MAGI3: variants seen among roughly 807,000 people sequenced by gnomAD.
MAGI3 encodes membrane-associated guanylate kinase, WW and PDZ domain-containing protein 3.
MAGI3 carries 43 observed loss-of-function variants against 121.8 expected under a neutral mutation model. The observed-to-expected ratio is 0.35, with a 90% CI of 0.28 to 0.46. The LOEUF is 0.46. Ranked by LOEUF, MAGI3 falls within the 20% of genes least tolerant of loss-of-function variation. The pLI is 1.00. For synonymous variants in MAGI3, 553 were observed against 639.3 expected (o/e 0.86, Z 2.04); for missense variants, 1,547 against 1,797.3 (o/e 0.86, Z 2.52).
intron 1 of MAGI3, among the ~76,000 whole-genome samples, chr1:113,430,492 A>G (rs532727662): frequency 6.6e-6 from 1 of 152,342 alleles, no homozygotes; most frequent in Admixed American, 6.5e-5. Flanking sequence ...TTTTTAGAAT[A>G]TGAAAAGAGG....
At position 113,452,455 on chromosome 1, in the gene MAGI3, T is replaced by TACACACACACACAC. The variant is rs4026203; in HGVS notation, c.316+61127_316+61140dup. ...TTGGATTAACTTATGTGCATAGACA[T>TACACACACACACAC]ACACACACACACACACACACACACA... On this transcript the variant is annotated intron_variant, in intron 1 of 20. Transcript: ENST00000307546. 1.0e-4 allele frequency among the ~76,000 whole-genome samples: 15 copies of TACACACACACACAC among 147,214 alleles called. 1 individual carries two copies. In the South Asian group the frequency reaches 2.6e-3, roughly 26 times the overall value.
Position 113,672,679 on chromosome 1 carries a change from C to G in MAGI3, c.2983C>G (p.His995Asp), listed in dbSNP as rs779533068. The change falls in exon 18 of 21, where the codon CAC becomes GAC. Residue 995 changes from histidine to aspartate, a missense_variant. His to Asp is a moderately conservative substitution (Grantham distance 81). Transcript: ENST00000307546. ...TTCTTACAGACATTCTTGGTCAGAC[C>G]ACAAGCACCTTGCACAGCCTGACAC... The part of the protein sequence containing the change: ...STSYRHSWSD[H>D]KHLAQPDTAV... The G allele has an allele frequency of 6.2e-7, 1 of 1,613,776 alleles. No homozygotes were observed. Among genetic ancestry groups the G allele is most frequent in the Admixed American group, 1.7e-5 (1 of 59,974 alleles).
intron 9 of MAGI3, among the ~76,000 whole-genome samples, chr1:113,626,185 G>A (rs1316235139): frequency 3.3e-5 from 5 of 152,068 alleles, no homozygotes; most frequent in African/African-American, 1.2e-4. Context: ...GGCTGGTCTC[G>A]AATTCTTGAC....
intron 6 of MAGI3, among the ~76,000 whole-genome samples, chr1:113,613,184 A>C (rs1399577604): frequency 6.6e-6 from 1 of 152,176 alleles, no homozygotes; most frequent in East Asian, 1.9e-4. Flanking sequence ...AAAGTGAACT[A>C]AAGTACATCT....
chr1:113,447,854 C>CAAAA (rs141135630), intron 1 of MAGI3, among the ~76,000 whole-genome samples: 19 of 144,598 alleles, frequency 1.3e-4, no homozygotes, highest in African/African-American at 4.4e-4. Context: ...GACTGTGTCT[C>CAAAA]AAAAAAAAAA....
chr1:113,565,051 T>C (rs1297845795), intron 2 of MAGI3, among the ~76,000 whole-genome samples: 1 of 151,976 alleles, frequency 6.6e-6, no homozygotes, highest in Non-Finnish European at 1.5e-5. Context: ...GGTTTCACCA[T>C]GTTGGCCAGG....
chr1:113,614,007 T>G (rs1333376788), intron 6 of MAGI3, among the ~76,000 whole-genome samples: 1 of 152,216 alleles, frequency 6.6e-6, no homozygotes. Flanking sequence ...TGTAAGGTAT[T>G]TATTTGTTAT....
chr1:113,683,857 A>T lies in MAGI3; in HGVS notation c.4289A>T (p.Lys1430Ile). ...VSNKTEDHKGKELEAADKNKE... is the reference protein window; with the variant it reads ...VSNKTEDHKGIELEAADKNKE... ...AACAAAACAGAAGATCACAAAGGGAAAGAACTAGAGGCAGCTGACAAAAAC... is the reference window on the plus strand; with the variant it reads ...AACAAAACAGAAGATCACAAAGGGATAGAACTAGAGGCAGCTGACAAAAAC... The change falls in exon 21 of 21, where the codon AAA becomes ATA. Residue 1430 changes from lysine (K) to isoleucine (I), a missense_variant. Coordinates refer to ENST00000307546, the MANE Select transcript of MAGI3 (RefSeq NM_001142782.2). 1 of 1,612,748 alleles carries T rather than the reference A, an allele frequency of 6.2e-7. No homozygotes were observed. Among genetic ancestry groups the T allele is most frequent in the Non-Finnish European group, 8.5e-7 (1 of 1,179,362 alleles).
rs369043543 is a variant in MAGI3, at chr1:113,447,496, A to G, written c.316+56147A>G. 9.8e-5 allele frequency among the ~76,000 whole-genome samples: 15 copies of G among 152,338 alleles called. 1 individual carries two copies. The highest frequency in any genetic ancestry group is 6.2e-4 in the South Asian group (3 of 4,826). On this transcript the variant is annotated intron_variant, in intron 1 of 20. Transcript: ENST00000307546. Reference sequence around the variant, plus strand: ...CAATTACAATGGGAATTAAACTTCAACGTAACTTTGGGAGGGGATAAATAT... The same window carrying G: ...CAATTACAATGGGAATTAAACTTCAGCGTAACTTTGGGAGGGGATAAATAT...
chr1:113,445,951 T>G (rs936829684), intron 1 of MAGI3, among the ~76,000 whole-genome samples: 2 of 152,152 alleles, frequency 1.3e-5, no homozygotes, highest in Non-Finnish European at 2.9e-5. Flanking sequence ...CACAGCTGTA[T>G]GAAAAAATAA....
At chr1:113,585,624 C>T in intron 4 of MAGI3, 28 bp downstream of exon 4, 3 of 1,558,660 alleles carry the variant, frequency 1.9e-6, no homozygotes, top group Non-Finnish European at 8.8e-7. Flanking sequence ...CAACTTCTAA[C>T]TGATCTTCTA....
intron 2 of MAGI3, among the ~76,000 whole-genome samples, chr1:113,563,895 A>G (rs1422601474): frequency 6.6e-6 from 1 of 152,198 alleles, no homozygotes; most frequent in Non-Finnish European, 1.5e-5. Flanking sequence ...CCCACCATCC[A>G]GTGGGCTGTT....
chr1:113,604,835 A>G (rs1026519703), intron 6 of MAGI3, among the ~76,000 whole-genome samples: 1 of 151,406 alleles, frequency 6.6e-6, no homozygotes, highest in African/African-American at 2.4e-5. Flanking sequence ...GGAGGGTCGG[A>G]TGGGGGAAGG....
intron 1 of MAGI3, among the ~76,000 whole-genome samples, chr1:113,435,884 G>A (rs1242984645): frequency 1.3e-5 from 2 of 152,064 alleles, no homozygotes; most frequent in African/African-American, 4.8e-5. Context: ...TGATTTGAAA[G>A]CATGAGGCTG....
chr1:113,503,141 C>T (rs1308785544), intron 1 of MAGI3, among the ~76,000 whole-genome samples: 33 of 82,304 alleles, frequency 4.0e-4, no homozygotes, highest in African/African-American at 1.9e-3. Flanking sequence ...GTGGGTGCAG[C>T]GCACCAGCAT....
intron 1 of MAGI3, among the ~76,000 whole-genome samples, chr1:113,539,929 T>C (rs1421057077): frequency 6.6e-6 from 1 of 151,986 alleles, no homozygotes; most frequent in East Asian, 1.9e-4. Context: ...GCTAAGACTA[T>C]AGGTGTGCAC....
intron 12 of MAGI3, among the ~76,000 whole-genome samples, chr1:113,647,622 G>T (rs1006338218): frequency 6.6e-6 from 1 of 152,054 alleles, no homozygotes; most frequent in East Asian, 1.9e-4. Flanking sequence ...AAATTTATTT[G>T]TTCTTAGAAA....
intron 16 of MAGI3, among the ~76,000 whole-genome samples, chr1:113,660,409 C>A (rs1653718308): frequency 1.3e-5 from 2 of 151,996 alleles, no homozygotes; most frequent in Non-Finnish European, 2.9e-5. Flanking sequence ...TTTAAATGTA[C>A]TTCTCAGTAT....
At chr1:113,592,143 A>G (rs1270433874) in intron 5 of MAGI3, among the ~76,000 whole-genome samples, 1 of 152,156 alleles carries the variant, frequency 6.6e-6, no homozygotes, top group Non-Finnish European at 1.5e-5. Context: ...TGAAAAAGCA[A>G]TATATAGAAT....
Sources: gnomAD v4.1 joint callset for allele counts (sites outside exome capture counted in the v4.1 genomes callset) on GRCh38, gnomAD v4.1.1 for gene constraint, MANE v1.5 for transcripts, NCBI Gene and HGNC (gene_info 2026-07-23, HGNC 2026-07-21) for gene names.